KDM7A: variants seen among roughly 807,000 people sequenced by gnomAD.
KDM7A encodes the protein lysine demethylase 7A.
Under a neutral mutation model 114.8 loss-of-function variants are expected in KDM7A, and 28 were observed. That is an observed-to-expected ratio of 0.24 (90% CI 0.18 to 0.33). The LOEUF (loss-of-function observed/expected upper bound fraction) is 0.33, where lower values mean the gene tolerates loss of function less well. Among genes scored for constraint, KDM7A ranks in the 10% least tolerant of loss-of-function variants. The probability of loss-of-function intolerance (pLI) is 1.00; values close to 1 mark genes in which losing one functional copy is unlikely to be tolerated. For missense variants in KDM7A, 942 were observed against 1,142.5 expected, an observed-to-expected ratio of 0.82 and a Z score of 2.53; for synonymous variants, 423 against 397.8, an observed-to-expected ratio of 1.06 and a Z score of -0.75.
intron 7 of KDM7A, among the ~76,000 whole-genome samples, chr7:140,121,152 CA>C (rs1453264269): frequency 1.3e-5 from 2 of 152,156 alleles, no homozygotes; most frequent in Non-Finnish European, 2.9e-5. Flanking sequence ...AGATTACTCA[CA>C]TTTAATTATG....
intron 11 of KDM7A, among the ~76,000 whole-genome samples, chr7:140,108,588 T>C (rs1818381216): frequency 1.3e-5 from 2 of 151,942 alleles, no homozygotes; most frequent in Non-Finnish European, 2.9e-5. Flanking sequence ...AGGCTGCAAA[T>C]ATTGCAGAAC....
intron 2 of KDM7A, among the ~76,000 whole-genome samples, chr7:140,136,061 G>A (rs1818865909): frequency 6.6e-6 from 1 of 152,178 alleles, no homozygotes; most frequent in African/African-American, 2.4e-5. Flanking sequence ...CTGGGCTCAA[G>A]CAATCCTCCT....
chr7:140,129,540 C>G lies in KDM7A; in HGVS notation c.512G>C (p.Arg171Thr). The G allele has an allele frequency of 6.2e-7, 1 of 1,613,654 alleles. No homozygotes were observed. The highest frequency in any genetic ancestry group is 8.5e-7 in the Non-Finnish European group (1 of 1,179,646). ...MVPKLDDLGLRLPSPTFSVMD... is the reference protein window; with the variant it reads ...MVPKLDDLGLTLPSPTFSVMD... ...CACAGAAAATGTAGGTGAAGGGAGC[C>G]TGAGTCCTAGATCATCTAATTTTGG... Residue 171 changes from arginine (R) to threonine (T), a missense_variant, in exon 4 of 20, where the codon AGG (arginine) becomes ACG (threonine). Around this residue, in one of 4 missense-constraint regions of KDM7A, gnomAD observed 318 missense variants for 453.1 expected, o/e 0.70. Transcript: ENST00000397560.
intron 1 of KDM7A, among the ~76,000 whole-genome samples, chr7:140,175,455 C>G (rs62491441): frequency 0.067 from 10,164 of 152,234 alleles, 396 homozygotes; most frequent in Non-Finnish European, 0.09. Flanking sequence ...TGCTATTACT[C>G]GTGAGCGTGC....
intron 1 of KDM7A, among the ~76,000 whole-genome samples, chr7:140,150,153 C>G (rs1794383771): frequency 6.6e-6 from 1 of 152,116 alleles, no homozygotes; most frequent in Non-Finnish European, 1.5e-5. Context: ...ATGGGAAAAC[C>G]TTCCTGTTTC....
intron 2 of KDM7A, among the ~76,000 whole-genome samples, chr7:140,136,955 C>G (rs549340312): frequency 2.6e-5 from 4 of 151,466 alleles, no homozygotes; most frequent in Non-Finnish European, 5.9e-5. Flanking sequence ...CCACTGCACT[C>G]CAGCCTGGGC....
rs896988134 is a variant in KDM7A at position 140,090,741 on chromosome 7, TA to T, written c.*352del. 102 of 204,892 alleles carry T rather than the reference TA, an allele frequency of 5.0e-4. No homozygotes were observed. The highest frequency in any genetic ancestry group is 9.8e-4 in the East Asian group (9 of 9,178). The allele number at this position is 204,892 out of a possible 1,614,324, so 12.7% of individuals were successfully genotyped here. On this transcript the variant is annotated 3_prime_UTR_variant, in exon 20 of 20. Coordinates refer to ENST00000397560, the MANE Select transcript of KDM7A (RefSeq NM_030647.2). ...AAAAGAATTTAAAAGCTGTTAACTT[TA>T]AAAAAAAATCTGTTAAATAAATTAT...
intron 10 of KDM7A, 25 bp from the exon 11 acceptor site, chr7:140,111,209 G>A: frequency 1.4e-6 from 2 of 1,447,946 alleles, no homozygotes; most frequent in Admixed American, 1.9e-5. Flanking sequence ...ACAAAAATAA[G>A]AAAACCAAAG....
Position 140,133,525 on chromosome 7 carries a change from G to A in KDM7A, c.398+14C>T, listed in dbSNP as rs1254639884. The A allele has an allele frequency of 7.3e-7, 1 of 1,366,010 alleles. No individual in the cohort carries two copies. The highest frequency in any genetic ancestry group is 1.4e-5 in the African/African-American group (1 of 69,502). The allele number at this position is 1,366,010 out of a possible 1,614,324, so 84.6% of individuals were successfully genotyped here. A position where few individuals can be genotyped will look rare whatever the true frequency, so the allele number is the denominator to read the frequency against. ...CATTCTTACATTTTCTTTTATCAGA[G>A]TAAGTTTCCATACCTTGGGAAGACT... On this transcript the variant is annotated intron_variant, in intron 3 of 19. Coordinates refer to ENST00000397560, the MANE Select transcript of KDM7A (RefSeq NM_030647.2).
chr7:140,106,859 T>C (rs192581263), intron 11 of KDM7A, among the ~76,000 whole-genome samples: 27 of 152,318 alleles, frequency 1.8e-4, no homozygotes, highest in African/African-American at 6.3e-4. Context: ...TTCTGTCTCG[T>C]TGATCTGTCT....
chr7:140,165,569 C>T (rs1794564716), intron 1 of KDM7A, among the ~76,000 whole-genome samples: 2 of 152,116 alleles, frequency 1.3e-5, no homozygotes. Flanking sequence ...TTTTAAACTG[C>T]CTGCCGTCCT....
At chr7:140,121,186 T>C (rs1436062328) in intron 7 of KDM7A, among the ~76,000 whole-genome samples, 3 of 152,168 alleles carry the variant, frequency 2.0e-5, no homozygotes, top group African/African-American at 7.2e-5. Flanking sequence ...CCTACAAATA[T>C]AGGTGTTGCC....
intron 1 of KDM7A, among the ~76,000 whole-genome samples, chr7:140,139,725 C>T (rs1794240026): frequency 6.6e-6 from 1 of 151,996 alleles, no homozygotes; most frequent in Non-Finnish European, 1.5e-5. Flanking sequence ...CAGCAGAAAT[C>T]AATGACATAA....
chr7:140,149,882 A>G (rs1794379690), intron 1 of KDM7A, among the ~76,000 whole-genome samples: 1 of 152,246 alleles, frequency 6.6e-6, no homozygotes, highest in South Asian at 2.1e-4. Context: ...GAAGTATGCT[A>G]TCTGTAATAT....
At chr7:140,104,184 T>C (rs1450141028) in intron 11 of KDM7A, among the ~76,000 whole-genome samples, 3 of 152,244 alleles carry the variant, frequency 2.0e-5, no homozygotes, top group Non-Finnish European at 4.4e-5. Flanking sequence ...TAAATCTGTT[T>C]GAGTTCTTTG....
intron 12 of KDM7A, among the ~76,000 whole-genome samples, chr7:140,100,660 T>TTA (rs1244353345): frequency 7.6e-4 from 85 of 111,276 alleles, no homozygotes; most frequent in East Asian, 7.1e-3. Flanking sequence ...TTTTAAAAAG[T>TTA]TATATATATA....
chr7:140,175,191 C>G (rs1437389994), intron 1 of KDM7A, among the ~76,000 whole-genome samples: 1 of 152,162 alleles, frequency 6.6e-6, no homozygotes. Flanking sequence ...TTGTGAGAAT[C>G]GGCTAGCCTG....
At chr7:140,119,459 A>C (rs1818583970) in intron 8 of KDM7A, among the ~76,000 whole-genome samples, 1 of 152,242 alleles carries the variant, frequency 6.6e-6, no homozygotes, top group African/African-American at 2.4e-5. Context: ...TCAGGATCAC[A>C]CTTTGGGATT....
chr7:140,153,182 T>A (rs980133608), intron 1 of KDM7A, among the ~76,000 whole-genome samples: 1 of 151,780 alleles, frequency 6.6e-6, no homozygotes, highest in South Asian at 2.1e-4. Context: ...GACAGGCAAA[T>A]GTAAGGAAAA....
Sources: gnomAD v4.1 joint callset for allele counts (sites outside exome capture counted in the v4.1 genomes callset) on GRCh38, gnomAD v4.1.1 for gene constraint, gnomAD v4.1.1 regional missense constraint, MANE v1.5 for transcripts, NCBI Gene and HGNC (gene_info 2026-07-23, HGNC 2026-07-21) for gene names.